Variants in ZNF841 observed in about 807,000 individuals in gnomAD.
ZNF841 encodes TCONS_00006091.
A neutral mutation model predicts 13.0 loss-of-function variants in ZNF841; 11 were observed. The ratio of observed to expected loss-of-function variants is 0.85; its 90% confidence interval spans 0.53 to 1.40. The LOEUF is 1.40. Among genes scored for constraint, ZNF841 ranks in the 40% most tolerant of loss-of-function variants. The probability of loss-of-function intolerance (pLI) is 0.00; values close to 1 mark genes in which losing one functional copy is unlikely to be tolerated. For missense variants in ZNF841, 1,068 were observed against 1,139.5 expected (o/e 0.94, Z 0.90); for synonymous variants, 369 against 381.6 (o/e 0.97, Z 0.38).
intron 4 of ZNF841, 150 bp from the exon 5 acceptor site, chr19:52,077,234 G>A (rs1050843111): frequency 1.1e-6 from 1 of 905,794 alleles, no homozygotes; most frequent in African/African-American, 1.7e-5. Context: ...ACGTCTCCCT[G>A]ATTTTGGGTT....
At position 52,067,097 on chromosome 19, in the gene ZNF841, A is replaced by G; in HGVS notation, c.785T>C (p.Ile262Thr). Residue 262 changes from isoleucine to threonine, a missense_variant, in exon 7 of 7, where the codon ATA becomes ACA. Ile to Thr is a moderately conservative substitution (Grantham distance 89). Coordinates refer to ENST00000594440, the MANE Select transcript of ZNF841 (RefSeq NM_001136499.2). Reference protein sequence around the residue: ...EKTHIREKPYIGNECGKAFRV... With the variant: ...EKTHIREKPYTGNECGKAFRV... ...GAAGGCTTTGCCACACTCATTACCT[A>G]TGTAAGGTTTTTCCCTAATATGTGT... 6.3e-7 allele frequency: 1 copy of G among 1,593,730 alleles called. No individual in the cohort carries two copies. The highest frequency in any genetic ancestry group is 8.6e-7 in the Non-Finnish European group (1 of 1,168,638).
intron 6 of ZNF841, among the ~76,000 whole-genome samples, chr19:52,068,503 C>T (rs778913789): frequency 1.3e-5 from 2 of 151,724 alleles, no homozygotes; most frequent in African/African-American, 2.4e-5. Context: ...GGTGAAATCT[C>T]GTCTGTACTA....
intron 1 of ZNF841, among the ~76,000 whole-genome samples, chr19:52,094,638 C>T (rs1159115113): frequency 2.0e-5 from 3 of 151,940 alleles, no homozygotes; most frequent in African/African-American, 7.3e-5. Context: ...CTCTCTAGCA[C>T]CCCCAATTTC....
chr19:52,092,996 A>G (rs1317602679), intron 2 of ZNF841, among the ~76,000 whole-genome samples: 1 of 152,162 alleles, frequency 6.6e-6, no homozygotes. Flanking sequence ...GGTGCCTGTA[A>G]TATCAGCTAC....
chr19:52,080,770 A>T (rs1282618163), intron 4 of ZNF841, among the ~76,000 whole-genome samples: 3 of 152,176 alleles, frequency 2.0e-5, no homozygotes, highest in Non-Finnish European at 2.9e-5. Context: ...CAATGAAGAG[A>T]TGACAAGCAA....
At chr19:52,087,407 C>T (rs993177255) in intron 3 of ZNF841, among the ~76,000 whole-genome samples, 1 of 152,104 alleles carries the variant, frequency 6.6e-6, no homozygotes, top group African/African-American at 2.4e-5. Flanking sequence ...TGTTGTTTCC[C>T]TCTATGTGTC....
At chr19:52,092,106 C>T (rs2088515983) in intron 2 of ZNF841, among the ~76,000 whole-genome samples, 1 of 149,796 alleles carries the variant, frequency 6.7e-6, no homozygotes, top group African/African-American at 2.4e-5. Context: ...TGAGCCACCA[C>T]ACTCTAGCCT....
intron 3 of ZNF841, among the ~76,000 whole-genome samples, chr19:52,086,259 A>C (rs909021272): frequency 5.9e-5 from 9 of 152,034 alleles, no homozygotes; most frequent in Non-Finnish European, 1.2e-4. Context: ...GCCTGGTGGG[A>C]GGTGGATGGA....
Position 52,065,191 on chromosome 19 carries a change from T to C in ZNF841, c.2691A>G (p.Ile897Met). ...TTGTAAGGTTCTCTCCAGCATGTTT[T>C]ATCTGATGTTTAGTGAGGCCTGAGC... The part of the protein sequence containing the change: ...ISRSGLTKHQ[I>M]KHAGENLTTK... Residue 897 changes from isoleucine to methionine, a missense_variant, in exon 7 of 7, where the codon ATA becomes ATG. Physicochemically the swap from Ile to Met is conservative, Grantham distance 10. Transcript: ENST00000594440. 8 of 1,605,984 alleles carry C rather than the reference T, an allele frequency of 5.0e-6. No individual in the cohort carries two copies. Among genetic ancestry groups the C allele is most frequent in the Non-Finnish European group, 6.8e-6 (8 of 1,175,578 alleles).
At chr19:52,064,239 G>A (rs145564331), downstream of ZNF841, among the ~76,000 whole-genome samples, 20,530 of 149,456 alleles carry the variant, frequency 0.14, 1,183 homozygotes, top group East Asian at 0.35. Context: ...CCAGCTACTC[G>A]GGAGGCTGAG....
chr19:52,061,121 G>C (rs1330718391), downstream of ZNF841, among the ~76,000 whole-genome samples: 1 of 152,146 alleles, frequency 6.6e-6, no homozygotes, highest in East Asian at 1.9e-4. Context: ...GATGCCCCAG[G>C]TAAAATTTGG....
At chr19:52,067,886 A>G (rs954311787) in intron 6 of ZNF841, among the ~76,000 whole-genome samples, 2 of 152,152 alleles carry the variant, frequency 1.3e-5, no homozygotes, top group African/African-American at 4.8e-5. Context: ...GCACCAAAAC[A>G]AGTATTTTGC....
In ZNF841 at chr19:52,067,219, T is replaced by C; in HGVS notation, c.663A>G (p.Ser221=). 6.5e-7 allele frequency: 1 copy of C among 1,549,690 alleles called. No individual in the cohort carries two copies. The highest frequency in any genetic ancestry group is 2.4e-5 in the East Asian group (1 of 40,908). Residue 221 remains serine (S), a synonymous_variant, in exon 7 of 7, where the codon TCA becomes TCG. Coordinates refer to ENST00000594440, the MANE Select transcript of ZNF841 (RefSeq NM_001136499.2). ...ERTVNNCFLA[S]PLQRIFPGVQ... Reference sequence around the variant, plus strand: ...CACCAGGAAAAATTCTTTGAAGTGGTGAAGCTAAAAAACAATTATTAACTG... The same window carrying C: ...CACCAGGAAAAATTCTTTGAAGTGGCGAAGCTAAAAAACAATTATTAACTG...
chr19:52,094,532 A>G (rs1239974322), intron 1 of ZNF841, among the ~76,000 whole-genome samples: 1 of 151,064 alleles, frequency 6.6e-6, no homozygotes, highest in African/African-American at 2.4e-5. Flanking sequence ...ATTGTCCCCA[A>G]TCTCCACGTA....
At chr19:52,076,707 T>C (rs187123426) in intron 5 of ZNF841, among the ~76,000 whole-genome samples, 355 of 149,076 alleles carry the variant, frequency 2.4e-3, no homozygotes, top group African/African-American at 8.6e-3. Context: ...GAATTGGATA[T>C]ATTAACTCCG....
intron 4 of ZNF841, among the ~76,000 whole-genome samples, chr19:52,083,672 A>T (rs933740817): frequency 2.8e-4 from 43 of 152,152 alleles, no homozygotes; most frequent in African/African-American, 1.0e-3. Flanking sequence ...TTTTTAGGTT[A>T]TGAAGGGTGT....
At chr19:52,072,580 G>A (rs180788159) in intron 6 of ZNF841, among the ~76,000 whole-genome samples, 422 of 152,236 alleles carry the variant, frequency 2.8e-3, no homozygotes, top group Non-Finnish European at 4.2e-3. Context: ...GGTGGCTCAC[G>A]CCTGTAATCC....
At chr19:52,062,511 G>A (rs2087421107), downstream of ZNF841, among the ~76,000 whole-genome samples, 1 of 152,050 alleles carries the variant, frequency 6.6e-6, no homozygotes, top group African/African-American at 2.4e-5. Flanking sequence ...TAATCTTCCA[G>A]AAAACATGGA....
chr19:52,075,997 A>G (rs1259471191), intron 6 of ZNF841, 47 bp downstream of exon 6: 1 of 1,547,660 alleles, frequency 6.5e-7, no homozygotes, highest in East Asian at 2.4e-5. Flanking sequence ...AGTCTTACGC[A>G]CACAATTTCA....
Sources: allele counts gnomAD v4.1 joint callset (sites outside exome capture counted in the v4.1 genomes callset), GRCh38; gene constraint gnomAD v4.1.1; transcripts MANE v1.5; gene names NCBI Gene and HGNC (gene_info 2026-07-23, HGNC 2026-07-21).